OXR1: variants seen among roughly 807,000 people sequenced by gnomAD.
OXR1 encodes oxidation resistance protein 1.
A neutral mutation model predicts 104.6 loss-of-function variants in OXR1; 41 were observed. That is an observed-to-expected ratio of 0.39 (90% confidence interval 0.31 to 0.51). The LOEUF is 0.51. OXR1 is among the 20% of genes least tolerant of loss of function. The pLI, the probability that OXR1 is intolerant of heterozygous loss-of-function variation, is 0.77. For synonymous variants in OXR1, 348 were observed against 348.4 expected, an observed-to-expected ratio of 1.00 and a Z score of 0.01; for missense variants, 955 against 1,031.9, an observed-to-expected ratio of 0.93 and a Z score of 1.02.
At chr8:106,563,678 G>A (rs1299184416) in intron 3 of OXR1, among the ~76,000 whole-genome samples, 1 of 152,124 alleles carries the variant, frequency 6.6e-6, no homozygotes, top group East Asian at 1.9e-4. Flanking sequence ...CAAATCAACA[G>A]AATATACATT....
At chr8:106,346,772 G>C (rs1283567555) in intron 1 of OXR1, among the ~76,000 whole-genome samples, 1 of 152,140 alleles carries the variant, frequency 6.6e-6, no homozygotes, top group Non-Finnish European at 1.5e-5. Context: ...GGGCGCGGTG[G>C]CTCACGCTTG....
intron 1 of OXR1, among the ~76,000 whole-genome samples, chr8:106,357,828 C>A (rs143133703): frequency 1.6e-3 from 250 of 152,040 alleles, no homozygotes; most frequent in African/African-American, 5.9e-3. Flanking sequence ...CCATGTTTTC[C>A]GCTTTGCAGT....
chr8:106,384,819 A>T (rs1042081605), intron 2 of OXR1, among the ~76,000 whole-genome samples: 1 of 148,866 alleles, frequency 6.7e-6, no homozygotes, highest in African/African-American at 2.5e-5. Flanking sequence ...GGTTCAAGCT[A>T]TTCTCCTGCC....
chr8:106,558,048 G>A (rs1816412493), intron 3 of OXR1, among the ~76,000 whole-genome samples: 1 of 152,188 alleles, frequency 6.6e-6, no homozygotes, highest in South Asian at 2.1e-4. Context: ...TTACCACTGA[G>A]TAGATTTTTT....
intron 2 of OXR1, among the ~76,000 whole-genome samples, chr8:106,389,972 A>G (rs1038003354): frequency 1.9e-4 from 29 of 152,104 alleles, no homozygotes; most frequent in Non-Finnish European, 3.7e-4. Context: ...AGGGTGAGGC[A>G]GAAGAATTGC....
chr8:106,573,231 A>G (rs1205502389), intron 3 of OXR1, among the ~76,000 whole-genome samples: 1 of 152,106 alleles, frequency 6.6e-6, no homozygotes, highest in African/African-American at 2.4e-5. Flanking sequence ...TGTGAAATTC[A>G]TCAAGAACCA....
intron 1 of OXR1, among the ~76,000 whole-genome samples, chr8:106,345,438 T>C (rs1019550293): frequency 6.6e-6 from 1 of 152,232 alleles, no homozygotes; most frequent in Non-Finnish European, 1.5e-5. Flanking sequence ...ACTGTCACAT[T>C]TTGCTAGAAT....
intron 2 of OXR1, among the ~76,000 whole-genome samples, chr8:106,381,183 T>C (rs1346579282): frequency 6.6e-6 from 1 of 152,184 alleles, no homozygotes; most frequent in Non-Finnish European, 1.5e-5. Context: ...ATATAAGTTA[T>C]TCAACCTGTG....
At chr8:106,594,057 C>T (rs1047232079) in intron 3 of OXR1, among the ~76,000 whole-genome samples, 1 of 152,180 alleles carries the variant, frequency 6.6e-6, no homozygotes, top group Non-Finnish European at 1.5e-5. Context: ...CTGCAGTGCA[C>T]CACAGTCTAT....
chr8:106,536,112 C>T (rs564097834), intron 3 of OXR1, among the ~76,000 whole-genome samples: 5 of 151,550 alleles, frequency 3.3e-5, no homozygotes, highest in South Asian at 4.2e-4. Context: ...CCCAGCTACT[C>T]GGGAGGCTGA....
intron 3 of OXR1, among the ~76,000 whole-genome samples, chr8:106,638,151 C>A (rs1338689738): frequency 6.6e-6 from 1 of 152,180 alleles, no homozygotes; most frequent in African/African-American, 2.4e-5. Context: ...GAAGTCCAGC[C>A]TCCTTAGGCT....
At chr8:106,740,322 C>T in intron 13 of OXR1, 21 bp from the exon 14 acceptor site, 1 of 1,599,988 alleles carries the variant, frequency 6.3e-7, no homozygotes, top group Non-Finnish European at 8.5e-7. Context: ...CAAGTAAATA[C>T]TAACACTTTG....
At chr8:106,480,624 T>C (rs1291196348) in intron 2 of OXR1, among the ~76,000 whole-genome samples, 4 of 151,956 alleles carry the variant, frequency 2.6e-5, no homozygotes, top group African/African-American at 9.7e-5. Context: ...AAGGGTTTAC[T>C]GTGAGCCCTC....
intron 3 of OXR1, among the ~76,000 whole-genome samples, chr8:106,584,604 GAATGGTA>G (rs1236746117): frequency 2.6e-5 from 4 of 152,022 alleles, no homozygotes; most frequent in Non-Finnish European, 5.9e-5. Flanking sequence ...TTTAAAATTT[GAATGGTA>G]AATGGTAAAT....
At chr8:106,679,695 A>G (rs1827957976) in intron 4 of OXR1, among the ~76,000 whole-genome samples, 1 of 151,852 alleles carries the variant, frequency 6.6e-6, no homozygotes, top group Non-Finnish European at 1.5e-5. Context: ...TTCCAGTATA[A>G]CCTTCCACAT....
rs185989525 is a variant in OXR1 at position 106,306,549 on chromosome 8, C to T, written c.-139+36182C>T. 2.0e-5 allele frequency among the ~76,000 whole-genome samples: 3 copies of T among 151,304 alleles called. No homozygotes were observed. The East Asian group carries it at 5.8e-4, about 29-fold the overall frequency. On this transcript the variant is annotated intron_variant, in intron 1 of 16. Coordinates refer to ENST00000517566, the MANE Select transcript of OXR1 (RefSeq NM_001198533.2). The stretch of plus-strand genomic sequence containing the variant: ...AAAAAAAAATCCCAAACAAGTTTTA[C>T]AAATTGTGGTATATTCATAAAATGG...
chr8:106,567,835 T>C (rs536765507), intron 3 of OXR1, among the ~76,000 whole-genome samples: 8 of 152,304 alleles, frequency 5.3e-5, no homozygotes, highest in Middle Eastern at 3.4e-3. Flanking sequence ...ATGGAATTCA[T>C]TGCATGAAGC....
At chr8:106,358,168 C>G (rs914942302) in intron 1 of OXR1, among the ~76,000 whole-genome samples, 1 of 152,160 alleles carries the variant, frequency 6.6e-6, no homozygotes, top group Non-Finnish European at 1.5e-5. Flanking sequence ...CCTCTTGGAC[C>G]ACGAAGGCAA....
chr8:106,369,739 CT>C (rs1213802261), intron 2 of OXR1, among the ~76,000 whole-genome samples: 9 of 152,082 alleles, frequency 5.9e-5, no homozygotes, highest in Non-Finnish European at 1.0e-4. Context: ...AGTCTCTGTT[CT>C]GCTCCATTGG....
Sources: gnomAD v4.1 joint callset for allele counts (sites outside exome capture counted in the v4.1 genomes callset) on GRCh38, gnomAD v4.1.1 for gene constraint, MANE v1.5 for transcripts, NCBI Gene and HGNC (gene_info 2026-07-23, HGNC 2026-07-21) for gene names.